MAPK1IP1L: variants seen among roughly 807,000 people sequenced by gnomAD.
MAPK1IP1L encodes mitogen-activated protein kinase 1 interacting protein 1 like, also known as MAPK-interacting and spindle-stabilizing protein-like.
Under a neutral mutation model 18.1 loss-of-function variants are expected in MAPK1IP1L, and 10 were observed. That is an observed-to-expected ratio of 0.55 (90% CI 0.34 to 0.94). The LOEUF is 0.94. Ranked by LOEUF, MAPK1IP1L falls within the 40% of genes least tolerant of loss-of-function variation. The pLI is 0.02. For synonymous variants in MAPK1IP1L, 115 were observed against 117.3 expected (o/e 0.98, Z 0.13); for missense variants, 260 against 318.2 (o/e 0.82, Z 1.39).
Position 55,063,031 on chromosome 14 carries a change from A to G in MAPK1IP1L, c.432A>G (p.Pro144=). 1 of 1,614,008 alleles carries G rather than the reference A, an allele frequency of 6.2e-7. No individual in the cohort carries two copies. Residue 144 remains proline, a synonymous_variant, in exon 3 of 4, where the codon CCA becomes CCG. Transcript: ENST00000395468. The stretch of plus-strand genomic sequence containing the variant: ...CAGCTGCAGCTGGTCCTTTAGGTCC[A>G]TGGGGATCCATGTCTTCTGGACCTT... The part of the protein sequence containing the change: ...TDPAAAGPLG[P]WGSMSSGPWA...
intron 1 of MAPK1IP1L, among the ~76,000 whole-genome samples, chr14:55,059,060 C>G: frequency 6.6e-6 from 1 of 151,494 alleles, no homozygotes; most frequent in East Asian, 1.9e-4. Flanking sequence ...CCCTCAGGTA[C>G]CGAGGGACTA....
chr14:55,067,733 C>T lies in MAPK1IP1L; in HGVS notation c.*3106C>T, dbSNP rs1041190245. The T allele has an allele frequency of 6.6e-6, 1 of 152,104 alleles. No homozygotes were observed. Among genetic ancestry groups the T allele is most frequent in the African/African-American group, 2.4e-5 (1 of 41,392 alleles). The allele number at this position is 152,104 out of a possible 1,614,324, so 9.4% of individuals were successfully genotyped here. A position where few individuals can be genotyped will look rare whatever the true frequency, so the allele number is the denominator to read the frequency against. On this transcript the variant is annotated 3_prime_UTR_variant, in exon 4 of 4. Transcript: ENST00000395468. Reference sequence around the variant, plus strand: ...TTCTTTTTAAAAGGGAACAATGTTGCTTTCAAAACAAGACATGCTAGGCTG... The same window carrying T: ...TTCTTTTTAAAAGGGAACAATGTTGTTTTCAAAACAAGACATGCTAGGCTG...
At position 55,066,872 on chromosome 14, in the gene MAPK1IP1L, A is replaced by C. The variant is rs1440443159; in HGVS notation, c.*2245A>C. 1 of 151,554 alleles carries C rather than the reference A, an allele frequency of 6.6e-6. No individual in the cohort carries two copies. The highest frequency in any genetic ancestry group is 1.5e-5 in the Non-Finnish European group (1 of 68,146). The allele number at this position is 151,554 out of a possible 1,614,324, so 9.4% of individuals were successfully genotyped here. On this transcript the variant is annotated 3_prime_UTR_variant, in exon 4 of 4. Transcript: ENST00000395468. ...TGCTATTGTACTCCCTTTGTTTTCA[A>C]GGACTTTGCAACTGGTATTTGGGGG...
At position 55,066,419 on chromosome 14, in the gene MAPK1IP1L, A is replaced by G. The variant is rs1002634664; in HGVS notation, c.*1792A>G. ...TTAGCTTTTTCTTTCACTTCTCTTC[A>G]AGGACAGGTGTTAGCTGTCTACAAT... On this transcript the variant is annotated 3_prime_UTR_variant, in exon 4 of 4. Transcript: ENST00000395468. 1 of 139,856 alleles carries G rather than the reference A, an allele frequency of 7.2e-6. No homozygotes were observed. The highest frequency in any genetic ancestry group is 2.9e-5 in the African/African-American group (1 of 34,970). 8.7% of individuals were successfully genotyped at this position (139,856 alleles called of 1,614,324 possible).
chr14:55,062,353 C>T (rs1318386721), intron 2 of MAPK1IP1L, among the ~76,000 whole-genome samples: 1 of 152,160 alleles, frequency 6.6e-6, no homozygotes, highest in East Asian at 1.9e-4. Context: ...TGTATTAATA[C>T]AGCAGAGAAA....
At chr14:55,057,776 T>A (rs556312815) in intron 1 of MAPK1IP1L, among the ~76,000 whole-genome samples, 20 of 151,240 alleles carry the variant, frequency 1.3e-4, no homozygotes, top group South Asian at 4.2e-4. Flanking sequence ...AAAATTTAAA[T>A]GATTTCTACT....
In MAPK1IP1L at chr14:55,061,701, G is replaced by A. The variant is rs1398381953; in HGVS notation, c.18G>A (p.Ser6=). 35 of 1,565,084 alleles carry A rather than the reference G, an allele frequency of 2.2e-5. No individual in the cohort carries two copies. The highest frequency in any genetic ancestry group is 3.0e-5 in the Non-Finnish European group (34 of 1,150,190). ...TTAGGAAAATGTCTGATGAATTTTC[G>A]GTAAGTTGATCAGTTTATCTGTGAT... is the stretch of plus-strand genomic sequence containing the variant. The part of the protein sequence containing the change: MSDEF[S]LADALPEHSP... Residue 6 remains serine (S), a splice_region_variant and synonymous_variant, in exon 2 of 4, where the codon TCG becomes TCA. Transcript: ENST00000395468.
Position 55,051,659 on chromosome 14 carries a change from G to T in MAPK1IP1L, c.-149G>T, listed in dbSNP as rs761005454. ...CGGTGCGCTCGGCGCTTCCTGTTCC[G>T]GCGCCAGGAGGAGCCGCGCGCTGCT... On this transcript the variant is annotated 5_prime_UTR_variant, in exon 1 of 4. Coordinates refer to ENST00000395468, the MANE Select transcript of MAPK1IP1L (RefSeq NM_144578.4). 2.7e-5 allele frequency: 14 copies of T among 512,938 alleles called. No homozygotes were observed. The highest frequency in any genetic ancestry group is 4.3e-5 in the Non-Finnish European group (11 of 258,188). 31.8% of individuals were successfully genotyped at this position (512,938 alleles called of 1,614,324 possible).
At position 55,064,845 on chromosome 14, in the gene MAPK1IP1L, G is replaced by GATT. The variant is rs1242545224; in HGVS notation, c.*219_*221dup. On this transcript the variant is annotated 3_prime_UTR_variant, in exon 4 of 4. Coordinates refer to ENST00000395468, the MANE Select transcript of MAPK1IP1L (RefSeq NM_144578.4). ...GCATAGAAGTAAATCATTCGGATGTGATTTTTATTTGGTTTTCATGGAAAG... is the reference window on the plus strand; with the variant it reads ...GCATAGAAGTAAATCATTCGGATGTGATTATTTTTATTTGGTTTTCATGGAAAG... 2.4e-6 allele frequency: 1 copy of GATT among 421,698 alleles called. No homozygotes were observed. The highest frequency in any genetic ancestry group is 4.3e-6 in the Non-Finnish European group (1 of 233,494). 26.1% of individuals were successfully genotyped at this position (421,698 alleles called of 1,614,324 possible).
chr14:55,051,660 G>C lies in MAPK1IP1L; in HGVS notation c.-148G>C. The C allele has an allele frequency of 1.9e-6, 1 of 513,398 alleles. No homozygotes were observed. The highest frequency in any genetic ancestry group is 3.9e-6 in the Non-Finnish European group (1 of 258,284). The allele number at this position is 513,398 out of a possible 1,614,324, so 31.8% of individuals were successfully genotyped here. Reference sequence around the variant, plus strand: ...GGTGCGCTCGGCGCTTCCTGTTCCGGCGCCAGGAGGAGCCGCGCGCTGCTG... The same window carrying C: ...GGTGCGCTCGGCGCTTCCTGTTCCGCCGCCAGGAGGAGCCGCGCGCTGCTG... On this transcript the variant is annotated 5_prime_UTR_variant, in exon 1 of 4. Transcript: ENST00000395468.
chr14:55,064,237 G>A (rs1354794088), intron 3 of MAPK1IP1L, among the ~76,000 whole-genome samples: 1 of 150,552 alleles, frequency 6.6e-6, no homozygotes, highest in South Asian at 2.1e-4. Flanking sequence ...CAAGTGATCC[G>A]CCTGCTTCAG....
chr14:55,061,071 G>A (rs2042814197), intron 1 of MAPK1IP1L, among the ~76,000 whole-genome samples: 1 of 152,098 alleles, frequency 6.6e-6, no homozygotes, highest in Middle Eastern at 3.2e-3. Context: ...GATGACTTGA[G>A]CCCAGGAGGT....
In MAPK1IP1L at chr14:55,059,973, A is replaced by C. The variant is rs552671258; in HGVS notation, c.-4-1707A>C. 9.5e-4 allele frequency among the ~76,000 whole-genome samples: 145 copies of C among 152,282 alleles called. 1 individual carries two copies. The highest frequency in any genetic ancestry group is 3.4e-3 in the Middle Eastern group (1 of 294). The stretch of plus-strand genomic sequence containing the variant: ...ATTTAAAGGTTTTAAACAAGAAGTT[A>C]AACCATAAAAATACTATATGAAAGC... On this transcript the variant is annotated intron_variant, in intron 1 of 3. Transcript: ENST00000395468.
chr14:55,060,992 T>C (rs1446796418), intron 1 of MAPK1IP1L, among the ~76,000 whole-genome samples: 1 of 151,966 alleles, frequency 6.6e-6, no homozygotes, highest in East Asian at 1.9e-4. Context: ...TTTTTAAAAT[T>C]TTAAGAAATT....
intron 1 of MAPK1IP1L, chr14:55,060,267 G>T (rs562171204): frequency 1.4e-5 from 2 of 142,208 alleles, no homozygotes; most frequent in African/African-American, 5.2e-5. Context: ...CGCCTCCCAG[G>T]TTCATGCCAT....
intron 1 of MAPK1IP1L, among the ~76,000 whole-genome samples, chr14:55,052,049 T>C (rs1217869284): frequency 2.6e-5 from 4 of 151,874 alleles, no homozygotes; most frequent in Non-Finnish European, 1.5e-5. Flanking sequence ...GCCGCTGACG[T>C]CGCGCCCGAC....
Position 55,065,658 on chromosome 14 carries a change from G to A in MAPK1IP1L, c.*1031G>A, listed in dbSNP as rs2042857105. ...CAGGGGTCTAAAACATAAAACAGTTGTGTTTAGGGAACCTTAAGTCATGCA... is the reference window on the plus strand; with the variant it reads ...CAGGGGTCTAAAACATAAAACAGTTATGTTTAGGGAACCTTAAGTCATGCA... On this transcript the variant is annotated 3_prime_UTR_variant, in exon 4 of 4. Transcript: ENST00000395468. The A allele has an allele frequency of 6.6e-6, 1 of 152,134 alleles. No individual in the cohort carries two copies. The highest frequency in any genetic ancestry group is 1.5e-5 in the Non-Finnish European group (1 of 68,026). 9.4% of individuals were successfully genotyped at this position (152,134 alleles called of 1,614,324 possible). A position where few individuals can be genotyped will look rare whatever the true frequency, so the allele number is the denominator to read the frequency against.
chr14:55,068,761 A>G lies in MAPK1IP1L; in HGVS notation c.*4134A>G, dbSNP rs1254717321. On this transcript the variant is annotated 3_prime_UTR_variant, in exon 4 of 4. Coordinates refer to ENST00000395468, the MANE Select transcript of MAPK1IP1L (RefSeq NM_144578.4). ...CAATAAAATAATCAGTATTTTGTAA[A>G]TGGCAGGCAAGCTTCTGGCTGTCGA... 1 of 152,230 alleles carries G rather than the reference A, an allele frequency of 6.6e-6. No individual in the cohort carries two copies. Among genetic ancestry groups the G allele is most frequent in the African/African-American group, 2.4e-5 (1 of 41,456 alleles). The allele number at this position is 152,230 out of a possible 1,614,324, so 9.4% of individuals were successfully genotyped here. A position where few individuals can be genotyped will look rare whatever the true frequency, so the allele number is the denominator to read the frequency against.
Position 55,063,127 on chromosome 14 carries a change from T to G in MAPK1IP1L, c.528T>G (p.Ala176=), listed in dbSNP as rs763758896. ...ATCCATCTCCAGGCCCATATCCCGC[T>G]CCTCCTCCTCCCCAAGCCCCTGGGG... The part of the protein sequence containing the change: ...MPYPSPGPYP[A]PPPPQAPGAA... Residue 176 remains alanine, a synonymous_variant, in exon 3 of 4, where the codon GCT becomes GCG. Transcript: ENST00000395468. 4 of 1,613,520 alleles carry G rather than the reference T, an allele frequency of 2.5e-6. No individual in the cohort carries two copies. The South Asian group carries it at 4.4e-5, about 18-fold the overall frequency.
Sources: gnomAD v4.1 joint callset for allele counts (sites outside exome capture counted in the v4.1 genomes callset) on GRCh38, gnomAD v4.1.1 for gene constraint, MANE v1.5 for transcripts, NCBI Gene and HGNC (gene_info 2026-07-23, HGNC 2026-07-21) for gene names.